CSMD3: variants seen among roughly 807,000 people sequenced by gnomAD.
CSMD3 encodes CUB and Sushi multiple domains 3.
In CSMD3, 177 loss-of-function variants were observed where a neutral mutation model predicts 435.2. That is an observed-to-expected ratio of 0.41 (90% CI 0.36 to 0.46). The LOEUF (loss-of-function observed/expected upper bound fraction) is 0.46. CSMD3 is among the 20% of genes least tolerant of loss of function. The pLI is 0.34. For missense variants in CSMD3, 4,265 were observed against 4,504.6 expected (o/e 0.95, Z 1.52); for synonymous variants, 1,656 against 1,520.5 (o/e 1.09, Z -2.07).
intron 24 of CSMD3, among the ~76,000 whole-genome samples, chr8:112,572,420 CATT>C (rs1392404699): frequency 6.6e-6 from 1 of 151,984 alleles, no homozygotes; most frequent in African/African-American, 2.4e-5. Context: ...TACAATGAGT[CATT>C]GTATTCTCTT....
chr8:112,513,725 T>A (rs1310109118), intron 28 of CSMD3, among the ~76,000 whole-genome samples: 1 of 152,140 alleles, frequency 6.6e-6, no homozygotes, highest in Non-Finnish European at 1.5e-5. Flanking sequence ...TGCAATAAAG[T>A]GAACTGTAAT....
chr8:112,881,231 A>C (rs1351079153), intron 10 of CSMD3, among the ~76,000 whole-genome samples: 1 of 152,012 alleles, frequency 6.6e-6, no homozygotes, highest in Non-Finnish European at 1.5e-5. Context: ...TACAAAATAA[A>C]AGTATGGGGT....
At chr8:112,610,823 T>C (rs1038736662) in intron 22 of CSMD3, among the ~76,000 whole-genome samples, 34 of 152,258 alleles carry the variant, frequency 2.2e-4, no homozygotes, top group Non-Finnish European at 7.3e-5. Context: ...GTGGACTTCA[T>C]GCCCTGGGAG....
At chr8:113,160,874 T>C (rs1352823245) in intron 4 of CSMD3, among the ~76,000 whole-genome samples, 1 of 152,088 alleles carries the variant, frequency 6.6e-6, no homozygotes, top group Non-Finnish European at 1.5e-5. Context: ...AGAAGTCATC[T>C]GAAATATGAT....
At chr8:112,942,002 A>G (rs889317378) in intron 9 of CSMD3, among the ~76,000 whole-genome samples, 12 of 151,780 alleles carry the variant, frequency 7.9e-5, no homozygotes, top group Non-Finnish European at 1.5e-4. Context: ...TTTGTGTTCT[A>G]TGGGTTTTGA....
At chr8:113,300,970 A>T (rs925242682) in intron 2 of CSMD3, among the ~76,000 whole-genome samples, 2 of 152,190 alleles carry the variant, frequency 1.3e-5, no homozygotes, top group African/African-American at 4.8e-5. Flanking sequence ...TGAGCCAAAA[A>T]AAGCATGTCC....
At chr8:112,566,397 T>C (rs969280760) in intron 24 of CSMD3, among the ~76,000 whole-genome samples, 4 of 152,106 alleles carry the variant, frequency 2.6e-5, no homozygotes, top group African/African-American at 9.7e-5. Context: ...TTTGTAATTC[T>C]TATATTGAAC....
chr8:112,531,398 G>A (rs1300900602), intron 27 of CSMD3, among the ~76,000 whole-genome samples: 1 of 152,164 alleles, frequency 6.6e-6, no homozygotes, highest in Non-Finnish European at 1.5e-5. Context: ...GGCATTGGGT[G>A]AGCCTCAGTG....
chr8:112,241,522 T>C (rs1050809299), intron 66 of CSMD3, among the ~76,000 whole-genome samples, 198 bp downstream of exon 66: 1 of 152,112 alleles, frequency 6.6e-6, no homozygotes, highest in African/African-American at 2.4e-5. Flanking sequence ...GACGGAACTA[T>C]GAACAATACT....
At chr8:113,310,572 CAA>C (rs2093859857) in intron 2 of CSMD3, 1 of 151,454 alleles carries the variant, frequency 6.6e-6, no homozygotes, top group Admixed American at 6.6e-5. Flanking sequence ...GGTTATCAAA[CAA>C]GAGAATATGT....
At chr8:112,639,802 G>A (rs2074769476) in intron 20 of CSMD3, among the ~76,000 whole-genome samples, 1 of 152,076 alleles carries the variant, frequency 6.6e-6, no homozygotes, top group Admixed American at 6.6e-5. Flanking sequence ...TCCACCTTGT[G>A]AATATACCAC....
chr8:112,292,305 T>A (rs7009195), intron 55 of CSMD3, among the ~76,000 whole-genome samples: 1 of 152,010 alleles, frequency 6.6e-6, no homozygotes, highest in South Asian at 2.1e-4. Flanking sequence ...TTTAAAAATA[T>A]AAGTTACAAA....
intron 18 of CSMD3, among the ~76,000 whole-genome samples, chr8:112,654,555 C>G (rs2075209932): frequency 1.3e-5 from 2 of 152,168 alleles, no homozygotes; most frequent in African/African-American, 4.8e-5. Context: ...ATAACTTGGA[C>G]TATGCCACTA....
intron 31 of CSMD3, among the ~76,000 whole-genome samples, chr8:112,484,825 G>A (rs1414819576): frequency 6.6e-6 from 1 of 151,896 alleles, no homozygotes; most frequent in Non-Finnish European, 1.5e-5. Flanking sequence ...TTTGGATTTG[G>A]GATTTTCAGA....
chr8:112,251,526 T>G (rs539501883), intron 63 of CSMD3, among the ~76,000 whole-genome samples: 23 of 151,856 alleles, frequency 1.5e-4, no homozygotes, highest in African/African-American at 5.5e-4. Context: ...TCAGAATTCA[T>G]GCCACTGTAT....
chr8:112,855,273 T>C (rs2080614744), intron 11 of CSMD3, among the ~76,000 whole-genome samples: 1 of 152,126 alleles, frequency 6.6e-6, no homozygotes, highest in Non-Finnish European at 1.5e-5. Context: ...AACTGTACTT[T>C]CTCCTACAAT....
At chr8:113,379,887 T>TTG (rs1202155008) in intron 1 of CSMD3, among the ~76,000 whole-genome samples, 1 of 152,212 alleles carries the variant, frequency 6.6e-6, no homozygotes, top group Non-Finnish European at 1.5e-5. Flanking sequence ...CCCTTCCTGT[T>TTG]TATCAGATTC....
chr8:113,377,012 A>G (rs1588627805), intron 1 of CSMD3: 6 of 385,420 alleles, frequency 1.6e-5, no homozygotes, highest in Non-Finnish European at 1.9e-5. Flanking sequence ...CACATCTTCT[A>G]GGGAGTGGGG....
intron 4 of CSMD3, among the ~76,000 whole-genome samples, chr8:113,113,540 T>A (rs1357319373): frequency 6.6e-6 from 1 of 152,226 alleles, no homozygotes; most frequent in Non-Finnish European, 1.5e-5. Context: ...CACATTTTCA[T>A]ACTTCCTATA....
Sources: allele counts gnomAD v4.1 joint callset (sites outside exome capture counted in the v4.1 genomes callset), GRCh38; gene constraint gnomAD v4.1.1; transcripts MANE v1.5; gene names NCBI Gene and HGNC (gene_info 2026-07-23, HGNC 2026-07-21).